The following LRGUK variants were observed in gnomAD, a reference collection of about 807,000 sequenced individuals.
LRGUK encodes leucine rich repeats and guanylate kinase domain containing, also known as leucine-rich repeat and guanylate kinase domain-containing protein.
A neutral mutation model predicts 76.0 loss-of-function variants in LRGUK; 65 were observed. The observed-to-expected ratio is 0.85, with a 90% CI of 0.70 to 1.05. The LOEUF is 1.05. Ranked by LOEUF, LRGUK falls within the 50% of genes least tolerant of loss-of-function variation. The pLI is 0.00. For missense variants in LRGUK, 758 were observed against 732.8 expected (o/e 1.03, Z -0.40); for synonymous variants, 268 against 265.6 (o/e 1.01, Z -0.09).
At position 134,133,415 on chromosome 7, in the gene LRGUK, A is replaced by G. The variant is rs141811098; in HGVS notation, c.298-3608A>G. Among the ~76,000 whole-genome samples the G allele has an allele frequency of 4.0e-3, 613 of 152,202 alleles. 3 individuals are homozygous for G. Among genetic ancestry groups the G allele is most frequent in the African/African-American group, 0.014 (582 of 41,524 alleles). On this transcript the variant is annotated intron_variant, in intron 1 of 15. Coordinates refer to ENST00000645682, the Ensembl canonical transcript of LRGUK. ...TACTCCACCCTGGTACTGACATACA[A>G]TGGGGGCCCTGCTCATAGTCAGCAG...
chr7:134,221,407 A>G (rs1346292334), intron 15 of LRGUK, among the ~76,000 whole-genome samples: 6 of 152,214 alleles, frequency 3.9e-5, no homozygotes, highest in African/African-American at 1.4e-4. Flanking sequence ...TTAGCATTGC[A>G]TAGTTTATTT....
intron 7 of LRGUK, among the ~76,000 whole-genome samples, chr7:134,172,608 C>T (rs1426828267): frequency 6.6e-6 from 1 of 152,174 alleles, no homozygotes; most frequent in Non-Finnish European, 1.5e-5. Context: ...TGTGCAAGTG[C>T]ACATGGCCAC....
At chr7:134,270,120 A>G in the LRGUK span, among the ~76,000 whole-genome samples, 2 of 152,202 alleles carry the variant, frequency 1.3e-5, no homozygotes, top group African/African-American at 4.8e-5. Context: ...TAATAAAAAG[A>G]ATACACATTA....
the LRGUK span, among the ~76,000 whole-genome samples, chr7:134,274,432 A>G: frequency 6.6e-6 from 1 of 152,204 alleles, no homozygotes; most frequent in Non-Finnish European, 1.5e-5. Flanking sequence ...TTAGAAAATC[A>G]GTGGAATTGA....
rs566101773 is a variant in LRGUK, at chr7:134,263,958, C to T, written c.2461C>T (p.Pro821Ser). The T allele has an allele frequency of 5.0e-6, 8 of 1,611,734 alleles. No homozygotes were observed. Among genetic ancestry groups the T allele is most frequent in the African/African-American group, 4.0e-5 (3 of 74,908 alleles). ...CGTCAAACCCACCCTCCCTCCAATCCCTCAGGGCCGCAGGTAGACTAGCAC... is the reference window on the plus strand; with the variant it reads ...CGTCAAACCCACCCTCCCTCCAATCTCTCAGGGCCGCAGGTAGACTAGCAC... The change falls in exon 20 of 20, where the codon CCT becomes TCT. Residue 821 changes from proline to serine, a missense_variant. Pro to Ser is a moderately conservative substitution (Grantham distance 74, BLOSUM62 -1). Coordinates refer to the LRGUK transcript ENST00000285928.
intron 7 of LRGUK, among the ~76,000 whole-genome samples, chr7:134,171,376 T>G (rs1459042074): frequency 6.6e-6 from 1 of 151,822 alleles, no homozygotes; most frequent in East Asian, 1.9e-4. Flanking sequence ...ACCCAATTGT[T>G]TTCTAAGACG....
chr7:134,260,605 T>C (rs1298146763), intron 19 of LRGUK, among the ~76,000 whole-genome samples: 1 of 152,168 alleles, frequency 6.6e-6, no homozygotes, highest in Non-Finnish European at 1.5e-5. Context: ...GGCTTGTGTG[T>C]GTGCTTTTTT....
At chr7:134,153,358 A>T (rs1166651658) in intron 5 of LRGUK, among the ~76,000 whole-genome samples, 1 of 152,134 alleles carries the variant, frequency 6.6e-6, no homozygotes, top group African/African-American at 2.4e-5. Context: ...ATAATTGATG[A>T]TTAATTGATA....
chr7:134,149,754 T>C (rs941209104), intron 5 of LRGUK, among the ~76,000 whole-genome samples: 5 of 152,176 alleles, frequency 3.3e-5, no homozygotes, highest in African/African-American at 1.2e-4. Context: ...ATCATGTATT[T>C]TGAGTTTGCA....
intron 10 of LRGUK, among the ~76,000 whole-genome samples, chr7:134,180,961 C>A (rs1484543493): frequency 6.6e-6 from 1 of 152,116 alleles, no homozygotes; most frequent in Non-Finnish European, 1.5e-5. Flanking sequence ...TTTGCCTATT[C>A]TATATATTTC....
chr7:134,220,084 G>A (rs1375350183), intron 15 of LRGUK, among the ~76,000 whole-genome samples: 2 of 152,154 alleles, frequency 1.3e-5, no homozygotes, highest in Non-Finnish European at 2.9e-5. Context: ...GCACCAGTCG[G>A]CACGTAGCAG....
At chr7:134,232,553 C>T (rs767735542) in intron 16 of LRGUK, among the ~76,000 whole-genome samples, 27 of 152,284 alleles carry the variant, frequency 1.8e-4, no homozygotes, top group Middle Eastern at 3.4e-3. Flanking sequence ...GCTGGGATTA[C>T]AAGCATAAGC....
At chr7:134,134,280 G>A (rs1401365144) in intron 1 of LRGUK, among the ~76,000 whole-genome samples, 1 of 152,152 alleles carries the variant, frequency 6.6e-6, no homozygotes, top group African/African-American at 2.4e-5. Context: ...GGTTTCCAGG[G>A]TGGAGCAGTT....
chr7:134,156,057 A>G (rs529589419), intron 5 of LRGUK, among the ~76,000 whole-genome samples: 2 of 152,218 alleles, frequency 1.3e-5, no homozygotes, highest in East Asian at 1.9e-4. Context: ...TAAAGTGGCT[A>G]TATCATAATG....
In LRGUK at chr7:134,250,043, C is replaced by T. The variant is rs564720350; in HGVS notation, c.2198+967C>T. On this transcript the variant is annotated intron_variant, in intron 18 of 19. Transcript: ENST00000285928. ...TATTCTGTGGTCAGACCAGTGACAG[C>T]GAACCAAGTGGAAAACTCTTCAGAA... Among the ~76,000 whole-genome samples the T allele has an allele frequency of 7.2e-5, 11 of 152,124 alleles. No individual in the cohort carries two copies. In the East Asian group the frequency reaches 1.9e-3, roughly 27 times the overall value.
intron 12 of LRGUK, among the ~76,000 whole-genome samples, 163 bp downstream of exon 12, chr7:134,191,914 G>T (rs537080740): frequency 6.6e-6 from 1 of 151,026 alleles, no homozygotes; most frequent in Non-Finnish European, 1.5e-5. Context: ...TGCTTAATAC[G>T]TCATTCTTCA....
chr7:134,189,672 A>G (rs1658558182), intron 11 of LRGUK, among the ~76,000 whole-genome samples: 2 of 152,230 alleles, frequency 1.3e-5, no homozygotes, highest in South Asian at 4.1e-4. Context: ...TGTAAAGGCT[A>G]TGCTAAGGGT....
At chr7:134,244,418 G>C (rs1242109960) in intron 16 of LRGUK, among the ~76,000 whole-genome samples, 1 of 152,188 alleles carries the variant, frequency 6.6e-6, no homozygotes, top group African/African-American at 2.4e-5. Flanking sequence ...CTTCTCAAAA[G>C]AAGACATTTA....
intron 1 of LRGUK, among the ~76,000 whole-genome samples, chr7:134,131,065 C>G (rs1406789258): frequency 6.6e-6 from 1 of 152,194 alleles, no homozygotes; most frequent in Non-Finnish European, 1.5e-5. Flanking sequence ...ATTGAACAAG[C>G]ATTTACTGAA....
Sources: allele counts gnomAD v4.1 joint callset (sites outside exome capture counted in the v4.1 genomes callset), GRCh38; gene constraint gnomAD v4.1.1; transcripts MANE v1.5; gene names NCBI Gene and HGNC (gene_info 2026-07-23, HGNC 2026-07-21).